Variants in ZNF148 observed in about 807,000 individuals in gnomAD.
The protein encoded by ZNF148 is zinc finger protein 148, also known as Beta-Enolase Repressor Factor-1.
In ZNF148, 7 loss-of-function variants were observed where a neutral mutation model predicts 67.7. The ratio of observed to expected loss-of-function variants is 0.10; its 90% CI spans 0.06 to 0.19. The LOEUF (loss-of-function observed/expected upper bound fraction) is 0.19, where lower values mean the gene tolerates loss of function less well. Ranked by LOEUF, ZNF148 falls within the 10% of genes least tolerant of loss-of-function variation. The pLI is 1.00. For synonymous variants in ZNF148, 333 were observed against 330.7 expected (o/e 1.01, Z -0.08); for missense variants, 583 against 947.1 (o/e 0.62, Z 5.05).
chr3:125,280,827 G>GGGGTA (rs1938345334), intron 5 of ZNF148, among the ~76,000 whole-genome samples: 2 of 150,320 alleles, frequency 1.3e-5, no homozygotes, highest in Admixed American at 1.3e-4. Context: ...CTGATCAGGA[G>GGGGTA]GGGTATGGCC....
intron 7 of ZNF148, among the ~76,000 whole-genome samples, chr3:125,246,849 C>T (rs1936621966): frequency 6.6e-6 from 1 of 152,148 alleles, no homozygotes; most frequent in Admixed American, 6.5e-5. Flanking sequence ...CTAATAACTA[C>T]ATACCCAATA....
intron 7 of ZNF148, among the ~76,000 whole-genome samples, chr3:125,264,240 T>C (rs1937473108): frequency 6.6e-6 from 1 of 152,224 alleles, no homozygotes; most frequent in African/African-American, 2.4e-5. Flanking sequence ...CCCCCCATGA[T>C]TTATAGCCAG....
At chr3:125,279,679 G>A (rs1392379498) in intron 5 of ZNF148, among the ~76,000 whole-genome samples, 1 of 151,484 alleles carries the variant, frequency 6.6e-6, no homozygotes, top group Non-Finnish European at 1.5e-5. Flanking sequence ...TTAATATTAT[G>A]TGGTTGTGAA....
In ZNF148 at chr3:125,233,350, T is replaced by C; in HGVS notation, c.1376A>G (p.His459Arg). The C allele has an allele frequency of 6.2e-7, 1 of 1,614,014 alleles. No individual in the cohort carries two copies. Among genetic ancestry groups the C allele is most frequent in the Non-Finnish European group, 8.5e-7 (1 of 1,179,928 alleles). ...GGCATCATCATAATTAGTACTACTA[T>C]GCACAGGTTTACTGGGCCCCTCCTG... ...NLQEGPSKPVHSSTNYDDAMQ... is the reference protein window; with the variant it reads ...NLQEGPSKPVRSSTNYDDAMQ... The change falls in exon 9 of 9, where the codon CAT becomes CGT. Residue 459 changes from histidine to arginine, a missense_variant. By Grantham distance (29) the His-to-Arg change is conservative. Around this residue, in one of 5 missense-constraint regions of ZNF148, gnomAD observed 172 missense variants for 307.7 expected, o/e 0.56. Transcript: ENST00000360647. The surrounding 1 kb of genome is among the most constrained non-coding windows in gnomAD (Gnocchi z 5.1).
At chr3:125,256,369 C>CAA (rs34918292) in intron 7 of ZNF148, among the ~76,000 whole-genome samples, 2 of 138,048 alleles carry the variant, frequency 1.4e-5, no homozygotes, top group South Asian at 4.8e-4. Context: ...CTCCATTTCC[C>CAA]AAAAAAAAAA....
intron 4 of ZNF148, 97 bp downstream of exon 4, chr3:125,313,211 C>T: frequency 1.0e-6 from 1 of 961,314 alleles, no homozygotes; most frequent in Non-Finnish European, 1.5e-6. Flanking sequence ...CACTATTTAG[C>T]CCTGAAACAT....
chr3:125,325,892 C>T (rs1220269174), intron 2 of ZNF148, among the ~76,000 whole-genome samples: 1 of 152,064 alleles, frequency 6.6e-6, no homozygotes, highest in South Asian at 2.1e-4. Flanking sequence ...TTGTTGAAAG[C>T]AAACCCAAGG....
chr3:125,336,677 C>CTTTTTTTTTTTT lies in ZNF148; in HGVS notation c.-233-5451_-233-5440dup, dbSNP rs71148176. Among the ~76,000 whole-genome samples, 35 of 95,326 alleles carry CTTTTTTTTTTTT rather than the reference C, an allele frequency of 3.7e-4. 1 individual carries two copies. Among genetic ancestry groups the CTTTTTTTTTTTT allele is most frequent in the African/African-American group, 6.7e-4 (15 of 22,470 alleles). 62.5% of individuals were successfully genotyped at this position (95,326 alleles called of 152,430 possible). A position where few individuals can be genotyped will look rare whatever the true frequency, so the allele number is the denominator to read the frequency against. On this transcript the variant is annotated intron_variant, in intron 1 of 8. Coordinates refer to ENST00000360647, the MANE Select transcript of ZNF148 (RefSeq NM_021964.3). The stretch of plus-strand genomic sequence containing the variant: ...TCAAACCAACCACCCCAGAAATCAC[C>CTTTTTTTTTTTT]TTTTTTTTTTTTTTTTTTGAGATGT...
At chr3:125,342,146 AAC>A (rs1315817638) in intron 1 of ZNF148, among the ~76,000 whole-genome samples, 4 of 151,088 alleles carry the variant, frequency 2.6e-5, no homozygotes, top group African/African-American at 7.3e-5. Context: ...AAAAAAATCC[AAC>A]ATTCACACCA....
chr3:125,303,350 T>C (rs1939694676), intron 4 of ZNF148, among the ~76,000 whole-genome samples: 1 of 152,184 alleles, frequency 6.6e-6, no homozygotes, highest in African/African-American at 2.4e-5. Context: ...TCCCAGGCCG[T>C]GGACCAGCAC....
In ZNF148 at chr3:125,375,107, G is replaced by A. The variant is rs1206665166; in HGVS notation, c.-239C>T. The A allele has an allele frequency of 6.6e-6, 1 of 151,796 alleles. No individual in the cohort carries two copies. Among genetic ancestry groups the A allele is most frequent in the Admixed American group, 6.6e-5 (1 of 15,246 alleles). The allele number at this position is 151,796 out of a possible 1,614,324, so 9.4% of individuals were successfully genotyped here. On this transcript the variant is annotated 5_prime_UTR_variant, in exon 1 of 9. Coordinates refer to ENST00000360647, the MANE Select transcript of ZNF148 (RefSeq NM_021964.3). ...TGCCAGGCCGAGCGCTTTACCGCGG[G>A]CGGGCGCCGAGTCGCGCGGTCACCG...
chr3:125,302,383 A>C (rs187879171), intron 4 of ZNF148, among the ~76,000 whole-genome samples: 7 of 152,122 alleles, frequency 4.6e-5, no homozygotes, highest in Non-Finnish European at 7.4e-5. Context: ...GTCTCAAAAA[A>C]AAAAAAGAAA....
At chr3:125,331,353 T>C in intron 1 of ZNF148, 115 bp from the exon 2 acceptor site, 1 of 396,044 alleles carries the variant, frequency 2.5e-6, no homozygotes, top group Non-Finnish European at 4.4e-6. Flanking sequence ...CAAAATTCTT[T>C]CCATGGTAGA....
chr3:125,328,650 A>G (rs538610174), intron 2 of ZNF148, among the ~76,000 whole-genome samples: 2 of 152,130 alleles, frequency 1.3e-5, no homozygotes, highest in South Asian at 4.2e-4. Context: ...GAAAACTTAA[A>G]AAAAAAATGA....
intron 7 of ZNF148, among the ~76,000 whole-genome samples, chr3:125,238,432 G>C (rs997135920): frequency 6.6e-6 from 1 of 151,784 alleles, no homozygotes; most frequent in African/African-American, 2.4e-5. Context: ...GTTCAAGACC[G>C]GTCTGGCCAA....
intron 7 of ZNF148, among the ~76,000 whole-genome samples, chr3:125,256,261 G>A (rs1252510143): frequency 6.6e-6 from 1 of 151,854 alleles, no homozygotes; most frequent in Admixed American, 6.6e-5. Flanking sequence ...CCAGCTACTC[G>A]GGAGGCTGAG....
chr3:125,329,356 TAAAA>T (rs1941179740), intron 2 of ZNF148, among the ~76,000 whole-genome samples: 2 of 126,406 alleles, frequency 1.6e-5, no homozygotes, highest in African/African-American at 5.9e-5. Flanking sequence ...TTTACATATA[TAAAA>T]TTTTTTTTTT....
intron 4 of ZNF148, among the ~76,000 whole-genome samples, chr3:125,295,751 A>T (rs1939249967): frequency 6.6e-6 from 1 of 152,196 alleles, no homozygotes; most frequent in South Asian, 2.1e-4. Context: ...TAACTCTGTA[A>T]AGTACTAACT....
At chr3:125,320,435 T>G (rs1940718203) in intron 3 of ZNF148, among the ~76,000 whole-genome samples, 1 of 152,216 alleles carries the variant, frequency 6.6e-6, no homozygotes, top group Non-Finnish European at 1.5e-5. Context: ...TTACCTTTAA[T>G]TAATCTGCAT....
Sources: allele counts gnomAD v4.1 joint callset (sites outside exome capture counted in the v4.1 genomes callset), GRCh38; gene constraint gnomAD v4.1.1; regional missense constraint gnomAD v4.1.1; non-coding constraint Gnocchi (gnomAD v3.1); transcripts MANE v1.5; gene names NCBI Gene and HGNC (gene_info 2026-07-23, HGNC 2026-07-21).